AFF3: variants seen among roughly 807,000 people sequenced by gnomAD.
AFF3 encodes ALF transcription elongation factor 3.
In AFF3, 32 loss-of-function variants were observed where a neutral mutation model predicts 129.7. That is an observed-to-expected ratio of 0.25 (90% CI 0.19 to 0.33). The LOEUF (loss-of-function observed/expected upper bound fraction) is 0.33, where lower values mean the gene tolerates loss of function less well. AFF3 is among the 10% of genes least tolerant of loss of function. The pLI is 1.00. For missense variants in AFF3, 1,373 were observed against 1,592.0 expected (o/e 0.86, Z 2.34); for synonymous variants, 644 against 635.4 (o/e 1.01, Z -0.20).
chr2:100,061,974 C>T (rs907027301), intron 4 of AFF3, among the ~76,000 whole-genome samples: 4 of 152,096 alleles, frequency 2.6e-5, no homozygotes, highest in African/African-American at 9.7e-5. Flanking sequence ...AGCTGGTACA[C>T]AGCTAAAAGA....
chr2:99,604,393 G>T (rs113282907), intron 13 of AFF3, among the ~76,000 whole-genome samples: 1 of 152,262 alleles, frequency 6.6e-6, no homozygotes, highest in African/African-American at 2.4e-5. Context: ...AATGCCACGT[G>T]TTCTCACTTA....
intron 4 of AFF3, among the ~76,000 whole-genome samples, chr2:100,046,566 A>G (rs1685852662): frequency 6.6e-6 from 1 of 152,164 alleles, no homozygotes. Flanking sequence ...CTGGTTTCCC[A>G]TTTATAAAAT....
At position 100,105,889 on chromosome 2, in the gene AFF3, G is replaced by A. The variant is rs912843923; in HGVS notation, c.-144-306C>T. 4 of 1,331,596 alleles carry A rather than the reference G, an allele frequency of 3.0e-6. No individual in the cohort carries two copies. The East Asian group carries it at 1.7e-4, about 56-fold the overall frequency. The allele number at this position is 1,331,596 out of a possible 1,614,324, so 82.5% of individuals were successfully genotyped here. ...ACGCGAACCAAACCTCGCACTCCCC[G>A]CCAAAAGGGAGTCCCTTCCAGCACT... On this transcript the variant is annotated intron_variant, in intron 2 of 24. Transcript: ENST00000672756.
At chr2:99,838,093 TTC>T (rs1689033927) in intron 7 of AFF3, among the ~76,000 whole-genome samples, 1 of 152,200 alleles carries the variant, frequency 6.6e-6, no homozygotes, top group Non-Finnish European at 1.5e-5. Context: ...AAGTCACTTG[TTC>T]TGTCACTCAG....
intron 8 of AFF3, among the ~76,000 whole-genome samples, chr2:99,835,229 A>G (rs908726192): frequency 1.3e-5 from 2 of 152,122 alleles, no homozygotes; most frequent in Non-Finnish European, 2.9e-5. Flanking sequence ...ATGTGATCAC[A>G]TCACTCTGCT....
rs1252395395 is a variant in AFF3 at position 99,867,589 on chromosome 2, A to AAC, written c.874-30066_874-30065insGT. On this transcript the variant is annotated intron_variant, in intron 7 of 24. Coordinates refer to ENST00000672756, the MANE Select transcript of AFF3 (RefSeq NM_001386135.1). ...ATATTTCTATATTAAAAAAAAAAAA[A>AAC]AAAACATAGCTGGCAGCCCCCTTTC... is the stretch of plus-strand genomic sequence containing the variant. Among the ~76,000 whole-genome samples, 709 of 151,582 alleles carry AAC rather than the reference A, an allele frequency of 4.7e-3. 4 individuals are homozygous for AAC. The highest frequency in any genetic ancestry group is 7.9e-3 in the Admixed American group (120 of 15,236).
At chr2:99,914,775 C>T (rs1451510057) in intron 7 of AFF3, among the ~76,000 whole-genome samples, 1 of 151,798 alleles carries the variant, frequency 6.6e-6, no homozygotes, top group African/African-American at 2.4e-5. Context: ...AAAAAATTAG[C>T]TGGGCATGGT....
At chr2:99,984,915 T>C (rs1025143155) in intron 7 of AFF3, among the ~76,000 whole-genome samples, 1 of 152,122 alleles carries the variant, frequency 6.6e-6, no homozygotes, top group African/African-American at 2.4e-5. Flanking sequence ...GAAAACAAAT[T>C]GCAACCTCTC....
intron 7 of AFF3, among the ~76,000 whole-genome samples, chr2:99,926,077 A>G (rs1210090825): frequency 6.6e-6 from 1 of 152,260 alleles, no homozygotes; most frequent in Non-Finnish European, 1.5e-5. Flanking sequence ...CAACTATTCA[A>G]GGAATTGAGG....
intron 10 of AFF3, among the ~76,000 whole-genome samples, chr2:99,733,457 A>G (rs2105052182): frequency 6.6e-6 from 1 of 151,062 alleles, no homozygotes; most frequent in Middle Eastern, 3.4e-3. Flanking sequence ...TTTTTCTATT[A>G]TCTTTGGATA....
chr2:99,649,394 CTT>C (rs1025783973), intron 13 of AFF3, among the ~76,000 whole-genome samples: 1 of 152,182 alleles, frequency 6.6e-6, no homozygotes, highest in Admixed American at 6.5e-5. Context: ...TTTCTTGTCT[CTT>C]GTTTCATTGC....
chr2:99,897,527 G>A (rs1288492650), intron 7 of AFF3, among the ~76,000 whole-genome samples: 2 of 152,128 alleles, frequency 1.3e-5, no homozygotes, highest in African/African-American at 2.4e-5. Flanking sequence ...CTCTGCTCAT[G>A]TTGGTCATCT....
At chr2:99,919,008 A>G (rs1695675979) in intron 7 of AFF3, among the ~76,000 whole-genome samples, 1 of 152,160 alleles carries the variant, frequency 6.6e-6, no homozygotes, top group African/African-American at 2.4e-5. Context: ...GCAGGAGTTA[A>G]TACCAATTCT....
intron 1 of AFF3, among the ~76,000 whole-genome samples, chr2:100,139,622 A>G (rs1351605100): frequency 6.6e-6 from 1 of 152,206 alleles, no homozygotes; most frequent in Non-Finnish European, 1.5e-5. Context: ...ACCTGCTTGT[A>G]TTTTAATGAT....
intron 4 of AFF3, among the ~76,000 whole-genome samples, chr2:100,101,192 A>C (rs1690697522): frequency 6.6e-6 from 1 of 152,234 alleles, no homozygotes; most frequent in South Asian, 2.1e-4. Context: ...AAGAAGGCAA[A>C]GGAGGTAGTT....
intron 7 of AFF3, among the ~76,000 whole-genome samples, chr2:99,915,934 G>A (rs1695445772): frequency 2.0e-5 from 3 of 152,126 alleles, no homozygotes; most frequent in Admixed American, 2.0e-4. Context: ...GACTTAAACT[G>A]AAGAAGAGTC....
chr2:100,075,574 A>G (rs1025546887), intron 4 of AFF3, among the ~76,000 whole-genome samples: 8 of 152,164 alleles, frequency 5.3e-5, no homozygotes, highest in South Asian at 2.1e-4. Flanking sequence ...AAACTGTCAG[A>G]CCAGAATAAT....
At chr2:99,968,090 C>G (rs879832915) in intron 7 of AFF3, among the ~76,000 whole-genome samples, 90 of 152,194 alleles carry the variant, frequency 5.9e-4, no homozygotes, top group African/African-American at 2.1e-3. Context: ...CCATCTTTGC[C>G]CTGTCCCGAG....
At chr2:100,063,239 C>T (rs111789546) in intron 4 of AFF3, among the ~76,000 whole-genome samples, 3,630 of 103,202 alleles carry the variant, frequency 0.035, 151 homozygotes, top group African/African-American at 0.13. Flanking sequence ...CAACAATGAG[C>T]GAAACTCCAT....
Sources: allele counts gnomAD v4.1 joint callset (sites outside exome capture counted in the v4.1 genomes callset), GRCh38; gene constraint gnomAD v4.1.1; transcripts MANE v1.5; gene names NCBI Gene and HGNC (gene_info 2026-07-23, HGNC 2026-07-21).